The following CDR2L variants were observed in gnomAD, a reference collection of about 807,000 sequenced individuals.
CDR2L encodes the protein cerebellar degeneration-related protein 2-like.
CDR2L carries 19 observed loss-of-function variants against 36.1 expected under a neutral mutation model. The observed-to-expected ratio is 0.53, with a 90% confidence interval of 0.37 to 0.77. CDR2L has a LOEUF of 0.77. Ranked by LOEUF, CDR2L falls within the 30% of genes least tolerant of loss-of-function variation. CDR2L has a pLI of 0.00. For missense variants in CDR2L, 575 were observed against 627.2 expected, an observed-to-expected ratio of 0.92 and a Z score of 0.89; for synonymous variants, 285 against 280.4, an observed-to-expected ratio of 1.02 and a Z score of -0.16.
chr17:74,991,510 G>A (rs1218378242), intron 1 of CDR2L, among the ~76,000 whole-genome samples: 1 of 151,456 alleles, frequency 6.6e-6, no homozygotes, highest in East Asian at 1.9e-4. Context: ...AACATCAGGA[G>A]ATCGAAACCA....
At chr17:74,999,127 G>GA (rs1205411300) in intron 1 of CDR2L, among the ~76,000 whole-genome samples, 1 of 152,228 alleles carries the variant, frequency 6.6e-6, no homozygotes, top group African/African-American at 2.4e-5. Flanking sequence ...GTTAAGAGGA[G>GA]AAGGTGCACT....
chr17:75,000,196 A>T (rs2039856521), intron 2 of CDR2L, among the ~76,000 whole-genome samples: 1 of 152,126 alleles, frequency 6.6e-6, no homozygotes, highest in Non-Finnish European at 1.5e-5. Context: ...GGATTGCTTG[A>T]GCCTGGAGGT....
rs776642045 is a variant in CDR2L at position 75,003,933 on chromosome 17, C to T, written c.1257C>T (p.Ser419=). The change falls in exon 5 of 5, where the codon AGC becomes AGT. Residue 419 remains serine (S), a synonymous_variant. Coordinates refer to ENST00000337231, the MANE Select transcript of CDR2L (RefSeq NM_014603.3). The part of the protein sequence containing the change: ...GEVKAGEKSL[S]QHVEAVDKRL... ...TCAAGGCAGGAGAGAAGAGCCTGAG[C>T]CAGCACGTGGAGGCCGTGGACAAGC... The T allele has an allele frequency of 5.0e-6, 8 of 1,610,900 alleles. No individual in the cohort carries two copies. Among genetic ancestry groups the T allele is most frequent in the Non-Finnish European group, 6.8e-6 (8 of 1,178,766 alleles).
Position 75,005,414 on chromosome 17 carries a change from G to A in CDR2L, c.*1340G>A. On this transcript the variant is annotated 3_prime_UTR_variant, in exon 5 of 5. Coordinates refer to ENST00000337231, the MANE Select transcript of CDR2L (RefSeq NM_014603.3). The surrounding 1 kb of genome is among the most constrained non-coding windows in gnomAD (Gnocchi z 4.2). Reference sequence around the variant, plus strand: ...GGAAGGCGGGGGGGCCCTGGCCTCTGCACCGGGATCCCAGTGGGAACCTTC... The same window carrying A: ...GGAAGGCGGGGGGGCCCTGGCCTCTACACCGGGATCCCAGTGGGAACCTTC... 1 of 152,896 alleles carries A rather than the reference G, an allele frequency of 6.5e-6. No individual in the cohort carries two copies. The highest frequency in any genetic ancestry group is 1.5e-5 in the Non-Finnish European group (1 of 68,150). The allele number at this position is 152,896 out of a possible 1,614,324, so 9.5% of individuals were successfully genotyped here.
intron 1 of CDR2L, among the ~76,000 whole-genome samples, 177 bp from the exon 2 acceptor site, chr17:74,999,327 A>ACAC (rs879520803): frequency 4.4e-4 from 43 of 98,084 alleles, no homozygotes; most frequent in Middle Eastern, 5.2e-3. Context: ...GACACACACA[A>ACAC]AAAGAACATT....
At chr17:75,000,518 T>G (rs2039858919) in intron 2 of CDR2L, among the ~76,000 whole-genome samples, 2 of 145,514 alleles carry the variant, frequency 1.4e-5, no homozygotes, top group African/African-American at 5.0e-5. Flanking sequence ...CAGGATGGTC[T>G]CCATCTCCTG....
intron 1 of CDR2L, among the ~76,000 whole-genome samples, chr17:74,996,892 C>G (rs1212013326): frequency 1.3e-5 from 2 of 152,144 alleles, no homozygotes; most frequent in African/African-American, 4.8e-5. Context: ...GCTGGGTGAC[C>G]ATGGGCAAGT....
At chr17:75,001,205 G>C in intron 2 of CDR2L, 136 bp from the exon 3 acceptor site, 2 of 930,810 alleles carry the variant, frequency 2.1e-6, no homozygotes, top group Non-Finnish European at 3.0e-6. Flanking sequence ...CTGCACTTCA[G>C]CCTGGGCAAC....
chr17:74,998,057 AAAAAT>A (rs1345768224), intron 1 of CDR2L, among the ~76,000 whole-genome samples: 1 of 151,970 alleles, frequency 6.6e-6, no homozygotes, highest in Non-Finnish European at 1.5e-5. Flanking sequence ...CGTCTCTACT[AAAAAT>A]AAAAAAAAAT....
At chr17:74,994,058 T>G (rs887844933) in intron 1 of CDR2L, among the ~76,000 whole-genome samples, 1 of 152,136 alleles carries the variant, frequency 6.6e-6, no homozygotes, top group Admixed American at 6.5e-5. Flanking sequence ...ACTGCTTGCC[T>G]GGGCTCATCC....
chr17:74,993,467 G>A (rs958184072), intron 1 of CDR2L, among the ~76,000 whole-genome samples: 27 of 151,996 alleles, frequency 1.8e-4, no homozygotes, highest in African/African-American at 1.2e-4. Flanking sequence ...TAGAGACAGG[G>A]GTCTCACTAT....
intron 1 of CDR2L, among the ~76,000 whole-genome samples, chr17:74,990,236 G>A (rs2039788674): frequency 6.6e-6 from 1 of 152,202 alleles, no homozygotes; most frequent in South Asian, 2.1e-4. Context: ...CTGCCGGGAG[G>A]GATGGGCCCG....
intron 1 of CDR2L, 33 bp downstream of exon 1, chr17:74,988,155 G>A (rs764113545): frequency 6.5e-5 from 93 of 1,430,042 alleles, no homozygotes; most frequent in Middle Eastern, 4.1e-4. Context: ...CAGGAAGGCG[G>A]GGAGCGCCCG....
chr17:74,991,728 A>AAAAG (rs35570872), intron 1 of CDR2L, among the ~76,000 whole-genome samples: 141,496 of 151,662 alleles, frequency 0.93, 66,644 homozygotes, highest in East Asian at 1. Context: ...AAAAAAGAAA[A>AAAAG]AAAGAAAGAA....
At chr17:74,991,585 C>T (rs954871746) in intron 1 of CDR2L, among the ~76,000 whole-genome samples, 7 of 151,886 alleles carry the variant, frequency 4.6e-5, no homozygotes, top group South Asian at 4.2e-4. Flanking sequence ...GGCGCGGTGG[C>T]GGGCGCCTGT....
chr17:75,003,546 CGGCCGCGG>C lies in CDR2L; in HGVS notation c.873_880del (p.Gly293LeufsTer110), dbSNP rs1467456385. The C allele has an allele frequency of 6.6e-7, 1 of 1,511,990 alleles. No homozygotes were observed. The highest frequency in any genetic ancestry group is 1.3e-5 in the South Asian group (1 of 78,830). 93.7% of individuals were successfully genotyped at this position (1,511,990 alleles called of 1,614,324 possible). A position where few individuals can be genotyped will look rare whatever the true frequency, so the allele number is the denominator to read the frequency against. ...CCCCTGAGGCCGACGATCCCCAGCC[CGGCCGCGG>C]GGACGACTTGGGCGCCCAGGACGGG... On this transcript the variant is annotated frameshift_variant, in exon 5 of 5. Coordinates refer to ENST00000337231, the MANE Select transcript of CDR2L (RefSeq NM_014603.3). LOFTEE classifies it high-confidence loss of function.
intron 1 of CDR2L, among the ~76,000 whole-genome samples, chr17:74,998,283 C>A (rs994980805): frequency 1.2e-4 from 19 of 152,064 alleles, no homozygotes; most frequent in African/African-American, 4.6e-4. Flanking sequence ...TAGTCCCACG[C>A]CTATTCACAG....
chr17:74,999,307 CACACACACAG>C (rs1215276387), intron 1 of CDR2L, among the ~76,000 whole-genome samples, 187 bp from the exon 2 acceptor site: 11 of 150,548 alleles, frequency 7.3e-5, no homozygotes, highest in South Asian at 2.1e-4. Flanking sequence ...CACACACACA[CACACACACAG>C]ACACACACAA....
At chr17:74,999,480 A>G (rs755198615) in intron 1 of CDR2L, 24 bp from the exon 2 acceptor site, 1 of 1,484,590 alleles carries the variant, frequency 6.7e-7, no homozygotes, top group South Asian at 1.2e-5. Context: ...CTTTGTTCTC[A>G]TGCTCGTGTT....
Sources: gnomAD v4.1 joint callset for allele counts (sites outside exome capture counted in the v4.1 genomes callset) on GRCh38, gnomAD v4.1.1 for gene constraint, Gnocchi (gnomAD v3.1) non-coding constraint, MANE v1.5 for transcripts, NCBI Gene and HGNC (gene_info 2026-07-23, HGNC 2026-07-21) for gene names.